The following GOLM2 variants were observed in gnomAD, a reference collection of about 807,000 sequenced individuals.
The protein encoded by GOLM2 is protein GOLM2.
A neutral mutation model predicts 55.9 loss-of-function variants in GOLM2; 26 were observed. The ratio of observed to expected loss-of-function variants is 0.47; its 90% confidence interval spans 0.34 to 0.65. GOLM2 has a LOEUF of 0.65. Ranked by LOEUF, GOLM2 falls within the 30% of genes least tolerant of loss-of-function variation. GOLM2 has a pLI of 0.01. For missense variants in GOLM2, 486 were observed against 531.8 expected (o/e 0.91, Z 0.85); for synonymous variants, 165 against 194.6 (o/e 0.85, Z 1.27).
At chr15:44,376,508 A>G (rs12593686) in intron 6 of GOLM2, among the ~76,000 whole-genome samples, 7,540 of 152,218 alleles carry the variant, frequency 0.05, 302 homozygotes, top group East Asian at 0.19. Context: ...TTGGCCTCCT[A>G]AAATATTGGG....
At chr15:44,336,438 A>G (rs1386994487) in intron 4 of GOLM2, among the ~76,000 whole-genome samples, 1 of 152,012 alleles carries the variant, frequency 6.6e-6, no homozygotes, top group African/African-American at 2.4e-5. Flanking sequence ...AGTTTTTAAT[A>G]CCTCAGTTTT....
chr15:44,324,522 G>A (rs187959562), intron 2 of GOLM2, among the ~76,000 whole-genome samples: 1 of 152,020 alleles, frequency 6.6e-6, no homozygotes, highest in Non-Finnish European at 1.5e-5. Flanking sequence ...TTGAAAACTT[G>A]CCTTTTATAG....
chr15:44,350,896 G>A (rs1001022793), intron 6 of GOLM2, among the ~76,000 whole-genome samples: 2 of 152,128 alleles, frequency 1.3e-5, no homozygotes, highest in Non-Finnish European at 2.9e-5. Context: ...TTCAATTGAT[G>A]CTGAGAAAGC....
In GOLM2 at chr15:44,404,974, T is replaced by C. The variant is rs548087366; in HGVS notation, c.1240+1920T>C. ...TTGGATAATTTTGAGGTTTTTATTA[T>C]AGTGGTTTATCTCAATCTTTGTTGT... is the stretch of plus-strand genomic sequence containing the variant. On this transcript the variant is annotated intron_variant, in intron 9 of 9. Coordinates refer to ENST00000299957, the MANE Select transcript of GOLM2 (RefSeq NM_138423.4). Among the ~76,000 whole-genome samples, 8 of 152,356 alleles carry C rather than the reference T, an allele frequency of 5.3e-5. No individual in the cohort carries two copies. In the East Asian group the frequency reaches 1.5e-3, roughly 29 times the overall value.
chr15:44,306,666 G>T (rs1399032372), intron 1 of GOLM2, among the ~76,000 whole-genome samples: 2 of 152,130 alleles, frequency 1.3e-5, no homozygotes, highest in Admixed American at 1.3e-4. Context: ...ATTATGTTTA[G>T]CTTTTGATTT....
intron 6 of GOLM2, among the ~76,000 whole-genome samples, chr15:44,363,544 A>C (rs1486338950): frequency 4.6e-5 from 7 of 152,206 alleles, no homozygotes; most frequent in African/African-American, 1.4e-4. Flanking sequence ...TCAGGAAACA[A>C]CAGGTGCTGG....
intron 8 of GOLM2, among the ~76,000 whole-genome samples, chr15:44,394,163 G>A (rs1022938036): frequency 6.6e-6 from 1 of 152,224 alleles, no homozygotes; most frequent in Non-Finnish European, 1.5e-5. Flanking sequence ...TCAGGCCTCA[G>A]GCATACAAAA....
chr15:44,306,997 A>C (rs917600651), intron 1 of GOLM2, among the ~76,000 whole-genome samples: 17 of 152,190 alleles, frequency 1.1e-4, no homozygotes, highest in African/African-American at 3.9e-4. Context: ...TAATAAAGAA[A>C]ATTTTGAAAT....
chr15:44,362,994 A>G (rs887213891), intron 6 of GOLM2, among the ~76,000 whole-genome samples: 9 of 152,240 alleles, frequency 5.9e-5, no homozygotes, highest in African/African-American at 1.9e-4. Flanking sequence ...AGCCATATGT[A>G]GAAAGCTGAA....
rs1214760512 is a variant in GOLM2, at chr15:44,409,332, A to G, written c.1241-4004A>G. On this transcript the variant is annotated intron_variant, in intron 9 of 9. Transcript: ENST00000299957. ...GCTGGGCGCGGTGGGTCATGCCTGT[A>G]ATCTAGCACTTTGGGAGGCCGAGGC... 2.6e-5 allele frequency among the ~76,000 whole-genome samples: 4 copies of G among 151,178 alleles called. No individual in the cohort carries two copies. In the East Asian group the frequency reaches 7.8e-4, roughly 30 times the overall value.
At chr15:44,351,213 A>ATT (rs1302105918) in intron 6 of GOLM2, among the ~76,000 whole-genome samples, 2 of 152,084 alleles carry the variant, frequency 1.3e-5, no homozygotes, top group African/African-American at 4.8e-5. Context: ...AAGGAAGGTG[A>ATT]AAGGATTCCC....
At chr15:44,311,196 C>G (rs1359895321) in intron 1 of GOLM2, among the ~76,000 whole-genome samples, 1 of 152,098 alleles carries the variant, frequency 6.6e-6, no homozygotes, top group Non-Finnish European at 1.5e-5. Context: ...ATAGATTATG[C>G]CACTGCCTTG....
At chr15:44,358,757 C>T (rs1037130255) in intron 6 of GOLM2, among the ~76,000 whole-genome samples, 1 of 152,118 alleles carries the variant, frequency 6.6e-6, no homozygotes, top group Non-Finnish European at 1.5e-5. Context: ...TAGAAGACAA[C>T]AAGAGAAAAC....
chr15:44,401,199 A>G (rs1212435072), intron 8 of GOLM2, among the ~76,000 whole-genome samples: 2 of 151,704 alleles, frequency 1.3e-5, no homozygotes, highest in Non-Finnish European at 2.9e-5. Flanking sequence ...ATAACCTCAA[A>G]CTCCTGACCT....
intron 1 of GOLM2, among the ~76,000 whole-genome samples, chr15:44,306,830 A>G (rs996955343): frequency 1.2e-4 from 18 of 152,176 alleles, no homozygotes; most frequent in Non-Finnish European, 2.9e-5. Context: ...AACCCTTGGC[A>G]ACCTCTATTC....
chr15:44,313,961 G>A (rs2078891032), intron 1 of GOLM2, among the ~76,000 whole-genome samples: 1 of 152,186 alleles, frequency 6.6e-6, no homozygotes, highest in Non-Finnish European at 1.5e-5. Context: ...CTGGGGGCCA[G>A]GCGCAGTGGC....
At chr15:44,399,789 G>A (rs529178474) in intron 8 of GOLM2, among the ~76,000 whole-genome samples, 2 of 152,266 alleles carry the variant, frequency 1.3e-5, no homozygotes, top group South Asian at 4.1e-4. Flanking sequence ...GAGGTCAGGA[G>A]TTCAAGACCA....
chr15:44,369,842 A>G (rs1273543930), intron 6 of GOLM2, among the ~76,000 whole-genome samples: 1 of 152,070 alleles, frequency 6.6e-6, no homozygotes, highest in African/African-American at 2.4e-5. Context: ...TAGAAGGATA[A>G]AAAAAGATAG....
intron 1 of GOLM2, among the ~76,000 whole-genome samples, chr15:44,318,668 C>T (rs1368559143): frequency 6.7e-6 from 1 of 149,696 alleles, no homozygotes; most frequent in Admixed American, 6.7e-5. Context: ...GAGATTGGGT[C>T]GCTGCACTCC....
Sources: gnomAD v4.1 joint callset for allele counts (sites outside exome capture counted in the v4.1 genomes callset) on GRCh38, gnomAD v4.1.1 for gene constraint, MANE v1.5 for transcripts, NCBI Gene and HGNC (gene_info 2026-07-23, HGNC 2026-07-21) for gene names.